COMMD10: variants seen among roughly 807,000 people sequenced by gnomAD.
The protein encoded by COMMD10 is COMM domain-containing protein 10.
Under a neutral mutation model 28.9 loss-of-function variants are expected in COMMD10, and 33 were observed. The ratio of observed to expected loss-of-function variants is 1.14; its 90% confidence interval spans 0.87 to 1.53. COMMD10 has a LOEUF of 1.53. Among genes scored for constraint, COMMD10 ranks in the 40% most tolerant of loss-of-function variants. COMMD10 has a pLI of 0.00. For synonymous variants in COMMD10, 110 were observed against 81.7 expected, an observed-to-expected ratio of 1.35 and a Z score of -1.87; for missense variants, 310 against 233.4, an observed-to-expected ratio of 1.33 and a Z score of -2.14.
At chr5:116,200,727 A>C (rs545560554) in intron 5 of COMMD10, among the ~76,000 whole-genome samples, 2 of 151,826 alleles carry the variant, frequency 1.3e-5, no homozygotes, top group Non-Finnish European at 1.5e-5. Flanking sequence ...TTTCTGTTAC[A>C]GTGGTTTTTT....
At chr5:116,229,709 C>G (rs1381895603) in intron 5 of COMMD10, among the ~76,000 whole-genome samples, 1 of 151,884 alleles carries the variant, frequency 6.6e-6, no homozygotes, top group Non-Finnish European at 1.5e-5. Context: ...TACAGTTGTT[C>G]ATGCAACAGA....
Position 116,104,178 on chromosome 5 carries a change from G to A in COMMD10, c.399+11478G>A, listed in dbSNP as rs114576639. ...TTTAAAGTAGTTTTTTTCCAATGCT[G>A]TGAGGAAAGTCAATGGTAGCTTGAT... On this transcript the variant is annotated intron_variant, in intron 4 of 6. Coordinates refer to ENST00000274458, the MANE Select transcript of COMMD10 (RefSeq NM_016144.4). 7.2e-3 allele frequency among the ~76,000 whole-genome samples: 1,102 copies of A among 152,284 alleles called. 14 individuals carry two copies. Among genetic ancestry groups the A allele is most frequent in the African/African-American group, 0.025 (1,027 of 41,560 alleles).
intron 5 of COMMD10, among the ~76,000 whole-genome samples, chr5:116,270,948 A>C (rs1236484822): frequency 6.6e-6 from 1 of 151,098 alleles, no homozygotes; most frequent in African/African-American, 2.4e-5. Context: ...AAAAAATAAT[A>C]ATAAAGATTA....
At chr5:116,292,423 C>CTTTTTTTTTT (rs11337562) in intron 6 of COMMD10, 28 bp from the exon 7 acceptor site, 3 of 1,269,536 alleles carry the variant, frequency 2.4e-6, no homozygotes, top group Non-Finnish European at 1.1e-6. Context: ...TCACTAACGT[C>CTTTTTTTTTT]TTTTTTTTTT....
At chr5:116,264,739 C>G (rs1032466039) in intron 5 of COMMD10, among the ~76,000 whole-genome samples, 4 of 151,728 alleles carry the variant, frequency 2.6e-5, no homozygotes, top group Non-Finnish European at 2.9e-5. Flanking sequence ...GAGAGATATA[C>G]CATTTCTGTC....
Position 116,121,124 on chromosome 5 carries a change from C to T in COMMD10, c.400-12944C>T, listed in dbSNP as rs530041673. Among the ~76,000 whole-genome samples, 4 of 152,224 alleles carry T rather than the reference C, an allele frequency of 2.6e-5. No individual in the cohort carries two copies. The South Asian group carries it at 8.3e-4, about 32-fold the overall frequency. ...ATTAGATATTTCTCCTAATGCTCTC[C>T]TTCCCCCTGCCCCCCACCACATGAC... On this transcript the variant is annotated intron_variant, in intron 4 of 6. Coordinates refer to ENST00000274458, the MANE Select transcript of COMMD10 (RefSeq NM_016144.4).
chr5:116,273,298 G>A (rs1197685314), intron 5 of COMMD10, among the ~76,000 whole-genome samples: 2 of 151,672 alleles, frequency 1.3e-5, no homozygotes, highest in Admixed American at 1.3e-4. Context: ...TCCTTGTAAT[G>A]TATCTTAATT....
At chr5:116,127,759 C>A (rs1580469333) in intron 4 of COMMD10, among the ~76,000 whole-genome samples, 1 of 152,070 alleles carries the variant, frequency 6.6e-6, no homozygotes, top group Non-Finnish European at 1.5e-5. Flanking sequence ...GAGAACATCA[C>A]ACACTGGGGC....
At chr5:116,283,791 T>G (rs114198377) in intron 5 of COMMD10, among the ~76,000 whole-genome samples, 2 of 151,836 alleles carry the variant, frequency 1.3e-5, no homozygotes, top group African/African-American at 4.9e-5. Flanking sequence ...ATAATTTATA[T>G]TACATATCCA....
At chr5:116,190,187 G>T (rs1289221060) in intron 5 of COMMD10, among the ~76,000 whole-genome samples, 1 of 152,162 alleles carries the variant, frequency 6.6e-6, no homozygotes, top group Non-Finnish European at 1.5e-5. Flanking sequence ...CAGAAAGTAG[G>T]ACTGAGAGGA....
intron 1 of COMMD10, 40 bp downstream of exon 1, chr5:116,085,133 G>A (rs1388191565): frequency 1.9e-6 from 3 of 1,566,918 alleles, no homozygotes; most frequent in African/African-American, 2.7e-5. Flanking sequence ...CCGCGCCCAG[G>A]AAGGCCCAGA....
At chr5:116,163,358 G>C (rs1171744462) in intron 5 of COMMD10, among the ~76,000 whole-genome samples, 1 of 149,926 alleles carries the variant, frequency 6.7e-6, no homozygotes, top group Non-Finnish European at 1.5e-5. Flanking sequence ...GCCGAGGCAG[G>C]TGGATCACCC....
chr5:116,195,274 T>C (rs1421019680), intron 5 of COMMD10, among the ~76,000 whole-genome samples: 6 of 151,550 alleles, frequency 4.0e-5, no homozygotes, highest in African/African-American at 1.5e-4. Flanking sequence ...ATACCTACTC[T>C]CCCTACTCCT....
At chr5:116,199,341 T>C (rs1748606052) in intron 5 of COMMD10, among the ~76,000 whole-genome samples, 2 of 152,186 alleles carry the variant, frequency 1.3e-5, no homozygotes, top group Non-Finnish European at 2.9e-5. Context: ...TCTTCATATA[T>C]TTTGGATAAC....
chr5:116,166,905 A>G (rs1383623806), intron 5 of COMMD10, among the ~76,000 whole-genome samples: 1 of 152,156 alleles, frequency 6.6e-6, no homozygotes, highest in Non-Finnish European at 1.5e-5. Context: ...ACCAATGCAG[A>G]AAGGCTGAAA....
chr5:116,149,443 A>T (rs900883841), intron 5 of COMMD10, among the ~76,000 whole-genome samples: 4 of 148,338 alleles, frequency 2.7e-5, no homozygotes, highest in Admixed American at 1.3e-4. Flanking sequence ...AGACTTCCAC[A>T]ATGGTTGAAC....
chr5:116,209,899 T>G (rs777976905), intron 5 of COMMD10, among the ~76,000 whole-genome samples: 2 of 152,116 alleles, frequency 1.3e-5, no homozygotes, highest in Non-Finnish European at 2.9e-5. Flanking sequence ...GGTGCAATAA[T>G]AATACTACAC....
intron 5 of COMMD10, among the ~76,000 whole-genome samples, chr5:116,235,158 A>G (rs1340202814): frequency 1.3e-5 from 2 of 152,172 alleles, no homozygotes; most frequent in African/African-American, 4.8e-5. Context: ...TAACAAACTG[A>G]TACAATTGAG....
rs556590574 is a variant in COMMD10 at position 116,095,855 on chromosome 5, A to G, written c.399+3155A>G. On this transcript the variant is annotated intron_variant, in intron 4 of 6. Transcript: ENST00000274458. Reference sequence around the variant, plus strand: ...TATGTATGGATGTTCATTTGCTCCAATGTGATTTGTTGTTAAAATTATCAT... The same window carrying G: ...TATGTATGGATGTTCATTTGCTCCAGTGTGATTTGTTGTTAAAATTATCAT... Among the ~76,000 whole-genome samples, 10 of 152,162 alleles carry G rather than the reference A, an allele frequency of 6.6e-5. No individual in the cohort carries two copies. The South Asian group carries it at 1.0e-3, about 16-fold the overall frequency.
Sources: allele counts gnomAD v4.1 joint callset (sites outside exome capture counted in the v4.1 genomes callset), GRCh38; gene constraint gnomAD v4.1.1; transcripts MANE v1.5; gene names NCBI Gene and HGNC (gene_info 2026-07-23, HGNC 2026-07-21).